Variants in PIP4K2A observed in about 807,000 individuals in gnomAD.
The protein encoded by PIP4K2A is phosphatidylinositol-5-phosphate 4-kinase type 2 alpha.
Under a neutral mutation model 42.9 loss-of-function variants are expected in PIP4K2A, and 14 were observed. The observed-to-expected ratio is 0.33, with a 90% CI of 0.22 to 0.51. The LOEUF is 0.51. Among genes scored for constraint, PIP4K2A ranks in the 20% least tolerant of loss-of-function variants. The probability of loss-of-function intolerance (pLI) is 0.97; values close to 1 mark genes in which losing one functional copy is unlikely to be tolerated. For missense variants in PIP4K2A, 434 were observed against 519.8 expected, an observed-to-expected ratio of 0.83 and a Z score of 1.61; for synonymous variants, 192 against 192.2, an observed-to-expected ratio of 1.00 and a Z score of 0.01.
At chr10:22,614,471 C>T (rs1308823194) in intron 1 of PIP4K2A, among the ~76,000 whole-genome samples, 1 of 152,148 alleles carries the variant, frequency 6.6e-6, no homozygotes, top group African/African-American at 2.4e-5. Context: ...TCATTCTTTA[C>T]ATTTGCATCA....
At position 22,664,090 on chromosome 10, in the gene PIP4K2A, CATATATATATAT is replaced by C. The variant is rs71992190; in HGVS notation, c.144+50081_144+50092del. On this transcript the variant is annotated intron_variant, in intron 1 of 9. Transcript: ENST00000376573. ...ATATATATATACGTATATATATATA[CATATATATATAT>C]ACATATATATATACATATATATATA... Among the ~76,000 whole-genome samples, 14 of 64,046 alleles carry C rather than the reference CATATATATATAT, an allele frequency of 2.2e-4. 2 individuals carry two copies. Among genetic ancestry groups the C allele is most frequent in the African/African-American group, 1.9e-3 (12 of 6,164 alleles). The allele number at this position is 64,046 out of a possible 152,430, so 42.0% of individuals were successfully genotyped here.
At chr10:22,640,014 CTTTTT>C (rs71395806) in intron 1 of PIP4K2A, among the ~76,000 whole-genome samples, 12 of 92,354 alleles carry the variant, frequency 1.3e-4, no homozygotes, top group African/African-American at 2.5e-4. Flanking sequence ...GATGTGTTGT[CTTTTT>C]TTTTTTTTTT....
In PIP4K2A at chr10:22,677,827, T is replaced by TA. The variant is rs1321041244; in HGVS notation, c.144+36355dup. Among the ~76,000 whole-genome samples, 9 of 152,296 alleles carry TA rather than the reference T, an allele frequency of 5.9e-5. No individual in the cohort carries two copies. In the South Asian group the frequency reaches 1.9e-3, roughly 32 times the overall value. On this transcript the variant is annotated intron_variant, in intron 1 of 9. Transcript: ENST00000376573. Reference sequence around the variant, plus strand: ...ATAATCTAGCATCTCAATCAGTCAGTAAGGTCCTAAAGTGGCCTTCTAGCT... The same window carrying TA: ...ATAATCTAGCATCTCAATCAGTCAGTAAAGGTCCTAAAGTGGCCTTCTAGCT...
chr10:22,660,641 G>C (rs1381361222), intron 1 of PIP4K2A, among the ~76,000 whole-genome samples: 1 of 152,022 alleles, frequency 6.6e-6, no homozygotes, highest in Non-Finnish European at 1.5e-5. Context: ...CAAAAGATGA[G>C]ATTTATACCT....
intron 4 of PIP4K2A, among the ~76,000 whole-genome samples, chr10:22,577,208 G>A (rs1037229860): frequency 6.6e-6 from 1 of 152,082 alleles, no homozygotes; most frequent in East Asian, 1.9e-4. Flanking sequence ...GTTCTTGTCC[G>A]TGTGCAAGTT....
At chr10:22,698,676 A>G (rs1372675811) in intron 1 of PIP4K2A, among the ~76,000 whole-genome samples, 1 of 152,264 alleles carries the variant, frequency 6.6e-6, no homozygotes, top group Non-Finnish European at 1.5e-5. Flanking sequence ...TTAAGCAGTG[A>G]TCAAAAATTT....
intron 1 of PIP4K2A, among the ~76,000 whole-genome samples, chr10:22,701,399 C>A (rs1465886091): frequency 6.6e-6 from 1 of 152,178 alleles, no homozygotes; most frequent in Non-Finnish European, 1.5e-5. Flanking sequence ...AGGCTATGGG[C>A]CACTTAGACA....
At chr10:22,599,052 A>G (rs955150116) in intron 3 of PIP4K2A, among the ~76,000 whole-genome samples, 9 of 151,442 alleles carry the variant, frequency 5.9e-5, no homozygotes, top group African/African-American at 9.7e-5. Context: ...TTTGGGAAAA[A>G]CTGTCTCTTA....
chr10:22,687,120 C>T (rs1055146166), intron 1 of PIP4K2A, among the ~76,000 whole-genome samples: 2 of 147,180 alleles, frequency 1.4e-5, no homozygotes, highest in African/African-American at 5.0e-5. Flanking sequence ...ATCTGCAATT[C>T]AAGTAGGCAA....
rs1564459752 is a variant in PIP4K2A at position 22,664,064 on chromosome 10, T to TATATATATAC, written c.144+50118_144+50119insGTATATATAT. ...ATATATATACATATGTATATATACA[T>TATATATATAC]ATATATATATACGTATATATATATA... On this transcript the variant is annotated intron_variant, in intron 1 of 9. Coordinates refer to ENST00000376573, the MANE Select transcript of PIP4K2A (RefSeq NM_005028.5). Among the ~76,000 whole-genome samples the TATATATATAC allele has an allele frequency of 1.0e-4, 8 of 77,772 alleles. 1 individual carries two copies. The highest frequency in any genetic ancestry group is 7.5e-4 in the African/African-American group (7 of 9,338). The allele number at this position is 77,772 out of a possible 152,430, so 51.0% of individuals were successfully genotyped here. A position where few individuals can be genotyped will look rare whatever the true frequency, so the allele number is the denominator to read the frequency against.
At position 22,693,705 on chromosome 10, in the gene PIP4K2A, C is replaced by A. The variant is rs1839917274; in HGVS notation, c.144+20478G>T. Among the ~76,000 whole-genome samples, 3 of 152,178 alleles carry A rather than the reference C, an allele frequency of 2.0e-5. No individual in the cohort carries two copies. The South Asian group carries it at 6.2e-4, about 31-fold the overall frequency. On this transcript the variant is annotated intron_variant, in intron 1 of 9. Coordinates refer to ENST00000376573, the MANE Select transcript of PIP4K2A (RefSeq NM_005028.5). ...TACCCACAGATGACCTTAACACACA[C>A]ACCCAGCCTGGTGCTGCGTTGGGAG...
At chr10:22,679,258 C>T (rs74907812) in intron 1 of PIP4K2A, among the ~76,000 whole-genome samples, 18,317 of 152,172 alleles carry the variant, frequency 0.12, 1,230 homozygotes, top group Middle Eastern at 0.21. Flanking sequence ...GGCAAAATAT[C>T]TGAATAGCTA....
intron 1 of PIP4K2A, among the ~76,000 whole-genome samples, chr10:22,713,035 G>A (rs1208753846): frequency 6.6e-6 from 1 of 151,952 alleles, no homozygotes; most frequent in East Asian, 1.9e-4. Context: ...TCAAAAGCAG[G>A]GAAAGCGAAC....
chr10:22,691,388 C>T (rs1839863716), intron 1 of PIP4K2A, among the ~76,000 whole-genome samples: 1 of 152,126 alleles, frequency 6.6e-6, no homozygotes, highest in African/African-American at 2.4e-5. Context: ...TGACTCTTGC[C>T]CCTTCTCCTC....
At chr10:22,578,630 A>T (rs1342084378) in intron 4 of PIP4K2A, among the ~76,000 whole-genome samples, 1 of 149,220 alleles carries the variant, frequency 6.7e-6, no homozygotes, top group Non-Finnish European at 1.5e-5. Context: ...TGTACAGGCT[A>T]CCTGATCCAC....
At chr10:22,576,207 T>TG (rs1564427494) in intron 4 of PIP4K2A, among the ~76,000 whole-genome samples, 5 of 152,168 alleles carry the variant, frequency 3.3e-5, no homozygotes, top group Admixed American at 2.0e-4. Context: ...ACTGAATTTC[T>TG]GGGGGGAAGC....
chr10:22,591,542 C>T (rs780758780), intron 4 of PIP4K2A, 87 bp downstream of exon 4: 2 of 1,018,058 alleles, frequency 2.0e-6, no homozygotes, highest in African/African-American at 1.6e-5. Flanking sequence ...TGTTCTCTAA[C>T]TATATATTTA....
rs367883775 is a variant in PIP4K2A, at chr10:22,573,862, T to A, written c.493-405A>T. Among the ~76,000 whole-genome samples the A allele has an allele frequency of 5.3e-5, 8 of 152,350 alleles. No homozygotes were observed. The East Asian group carries it at 1.3e-3, about 26-fold the overall frequency. On this transcript the variant is annotated intron_variant, in intron 4 of 9. Coordinates refer to ENST00000376573, the MANE Select transcript of PIP4K2A (RefSeq NM_005028.5). ...AGGCAGAGCAACCTGGCTGCTAAAA[T>A]AGCTTCTCTAACAGTGTTGAAGTCG...
Position 22,632,249 on chromosome 10 carries a change from G to A in PIP4K2A, c.145-22532C>T, listed in dbSNP as rs558595946. On this transcript the variant is annotated intron_variant, in intron 1 of 9. Transcript: ENST00000376573. The stretch of plus-strand genomic sequence containing the variant: ...GTAAATAAGAGCTTTCTATTATTAC[G>A]CAGTCATCTTGTATCAGTGTTAGTT... 3.4e-4 allele frequency among the ~76,000 whole-genome samples: 51 copies of A among 152,208 alleles called. No individual in the cohort carries two copies. The South Asian group carries it at 8.1e-3, about 24-fold the overall frequency.
Sources: allele counts gnomAD v4.1 joint callset (sites outside exome capture counted in the v4.1 genomes callset), GRCh38; gene constraint gnomAD v4.1.1; transcripts MANE v1.5; gene names NCBI Gene and HGNC (gene_info 2026-07-23, HGNC 2026-07-21).